The following TP63 variants were observed in gnomAD, a reference collection of about 807,000 sequenced individuals.
The protein encoded by TP63 is tumor protein p63.
TP63 carries 17 observed loss-of-function variants against 82.8 expected under a neutral mutation model. The ratio of observed to expected loss-of-function variants is 0.21; its 90% CI spans 0.14 to 0.31. The LOEUF is 0.31. Ranked by LOEUF, TP63 falls within the 10% of genes least tolerant of loss-of-function variation. The pLI is 1.00. For synonymous variants in TP63, 330 were observed against 321.7 expected, an observed-to-expected ratio of 1.03 and a Z score of -0.28; for missense variants, 648 against 895.3, an observed-to-expected ratio of 0.72 and a Z score of 3.52.
At chr3:189,790,487 T>G (rs970506090) in intron 3 of TP63, among the ~76,000 whole-genome samples, 5 of 152,030 alleles carry the variant, frequency 3.3e-5, no homozygotes, top group Admixed American at 6.6e-5. Flanking sequence ...TAAATGTGTA[T>G]TATAGCATAC....
At chr3:189,891,803 G>A (rs939306093) in intron 13 of TP63, among the ~76,000 whole-genome samples, 16 of 152,128 alleles carry the variant, frequency 1.1e-4, no homozygotes, top group African/African-American at 2.2e-4. Context: ...TCTCTTTGGG[G>A]TTCACTAGCC....
rs7624324 is a variant in TP63 at position 189,869,087 on chromosome 3, T to C, written c.1130-237T>C. 0.69 allele frequency among the ~76,000 whole-genome samples: 104,170 copies of C among 152,024 alleles called. 36,141 individuals carry two copies. The highest frequency in any genetic ancestry group is 0.82 in the Middle Eastern group (241 of 294). ...TGAATTTCTTTTATGTATTCTTCCC[T>C]ACCATCCTTCCACCTCCTTATTGCT... On this transcript the variant is annotated intron_variant, in intron 8 of 13. Coordinates refer to ENST00000264731, the MANE Select transcript of TP63 (RefSeq NM_003722.5).
rs181556206 is a variant in TP63, at chr3:189,706,557, A to G, written c.63-31183A>G. On this transcript the variant is annotated intron_variant, in intron 1 of 13. Coordinates refer to ENST00000264731, the MANE Select transcript of TP63 (RefSeq NM_003722.5). ...GTGTGAGCCACCGTGCCCGGCCGTG[A>G]ATTTACTTCTTAATTCTGTTTTTTC... 1.7e-3 allele frequency among the ~76,000 whole-genome samples: 255 copies of G among 152,176 alleles called. 1 individual carries two copies. The highest frequency in any genetic ancestry group is 2.9e-3 in the Non-Finnish European group (197 of 67,982).
chr3:189,612,383 C>A, the TP63 span, among the ~76,000 whole-genome samples: 1 of 152,190 alleles, frequency 6.6e-6, no homozygotes, highest in Middle Eastern at 3.4e-3. Context: ...TTCCACTTTT[C>A]TTCTTTCTCA....
chr3:189,732,620 A>G (rs987184328), intron 1 of TP63, among the ~76,000 whole-genome samples: 1 of 152,184 alleles, frequency 6.6e-6, no homozygotes, highest in Non-Finnish European at 1.5e-5. Flanking sequence ...AAGCCTCTCA[A>G]CCACCTTCTG....
At chr3:189,881,116 C>T in intron 10 of TP63, 2 of 985,390 alleles carry the variant, frequency 2.0e-6, no homozygotes, top group Non-Finnish European at 2.4e-6. Flanking sequence ...TTCTATCCCT[C>T]AAGCCTACCT....
chr3:189,801,768 A>G lies in TP63; in HGVS notation c.325-6504A>G, dbSNP rs78582256. On this transcript the variant is annotated intron_variant, in intron 3 of 13. Coordinates refer to ENST00000264731, the MANE Select transcript of TP63 (RefSeq NM_003722.5). The stretch of plus-strand genomic sequence containing the variant: ...AAGGAATCTTGACACTTTGTGTCAG[A>G]ACACAGGACATCTAGTGAACTCTCT... Among the ~76,000 whole-genome samples, 978 of 152,310 alleles carry G rather than the reference A, an allele frequency of 6.4e-3. 8 individuals carry two copies. Among genetic ancestry groups the G allele is most frequent in the African/African-American group, 0.023 (937 of 41,576 alleles).
intron 1 of TP63, among the ~76,000 whole-genome samples, chr3:189,732,266 C>G (rs1024633857): frequency 6.6e-6 from 1 of 152,152 alleles, no homozygotes; most frequent in African/African-American, 2.4e-5. Flanking sequence ...CTCCCCTCCA[C>G]CACCCCTGTC....
intron 9 of TP63, among the ~76,000 whole-genome samples, chr3:189,872,597 C>T (rs1251393896): frequency 2.6e-5 from 4 of 152,050 alleles, no homozygotes; most frequent in South Asian, 2.1e-4. Context: ...CGTGGGTTTA[C>T]GGTATAAGAG....
chr3:189,672,114 CAT>C (rs1714941679), intron 1 of TP63, among the ~76,000 whole-genome samples: 1 of 151,986 alleles, frequency 6.6e-6, no homozygotes, highest in African/African-American at 2.4e-5. Context: ...CTTATTTGAT[CAT>C]TACACATTGT....
chr3:189,692,391 G>C (rs537223478), intron 1 of TP63, among the ~76,000 whole-genome samples: 2 of 142,394 alleles, frequency 1.4e-5, no homozygotes, highest in South Asian at 2.2e-4. Flanking sequence ...TTTCCATCTC[G>C]TCTTCTTTCC....
intron 1 of TP63, among the ~76,000 whole-genome samples, chr3:189,647,001 C>T (rs1560082156): frequency 6.8e-6 from 1 of 147,106 alleles, no homozygotes; most frequent in Non-Finnish European, 1.5e-5. Context: ...GAAATGAAAT[C>T]GTCAGGCTGG....
chr3:189,607,224 A>G, the TP63 span, among the ~76,000 whole-genome samples: 21 of 152,352 alleles, frequency 1.4e-4, no homozygotes, highest in East Asian at 4.0e-3. Flanking sequence ...GATATCCTCA[A>G]TTAGATCCTA....
intron 3 of TP63, among the ~76,000 whole-genome samples, chr3:189,786,271 G>T (rs553574109): frequency 1.3e-5 from 2 of 151,954 alleles, no homozygotes; most frequent in East Asian, 3.9e-4. Flanking sequence ...TCCTAATATT[G>T]TAATATGGTT....
At chr3:189,783,565 A>T (rs931659683) in intron 3 of TP63, among the ~76,000 whole-genome samples, 1 of 151,916 alleles carries the variant, frequency 6.6e-6, no homozygotes, top group African/African-American at 2.4e-5. Context: ...TATAATACTA[A>T]AAAGGAAAGC....
chr3:189,739,016 A>G, intron 3 of TP63: 1 of 561,066 alleles, frequency 1.8e-6, no homozygotes, highest in South Asian at 2.0e-5. Flanking sequence ...TACATCTTTT[A>G]TCTTGATTGT....
Position 189,690,336 on chromosome 3 carries a change from C to G in TP63, c.63-47404C>G, listed in dbSNP as rs141819465. On this transcript the variant is annotated intron_variant, in intron 1 of 13. Transcript: ENST00000264731. Reference sequence around the variant, plus strand: ...CCAGGCTCTTTAGGAATCCAGGATCCTGGCCCTGATAGTAACTTGGTGTTT... The same window carrying G: ...CCAGGCTCTTTAGGAATCCAGGATCGTGGCCCTGATAGTAACTTGGTGTTT... Among the ~76,000 whole-genome samples, 777 of 152,262 alleles carry G rather than the reference C, an allele frequency of 5.1e-3. 7 individuals are homozygous for G. Among genetic ancestry groups the G allele is most frequent in the African/African-American group, 0.018 (751 of 41,556 alleles).
chr3:189,850,591 C>T (rs115201712), intron 4 of TP63, among the ~76,000 whole-genome samples: 2,168 of 152,080 alleles, frequency 0.014, 21 homozygotes, highest in South Asian at 0.03. Flanking sequence ...TTTAAGGACA[C>T]GGGGAGGGAT....
intron 10 of TP63, among the ~76,000 whole-genome samples, chr3:189,879,627 C>A (rs914707936): frequency 6.6e-6 from 1 of 152,050 alleles, no homozygotes; most frequent in African/African-American, 2.4e-5. Flanking sequence ...CAAGTTTCTT[C>A]TTCTTCATTC....
Sources: gnomAD v4.1 joint callset for allele counts (sites outside exome capture counted in the v4.1 genomes callset) on GRCh38, gnomAD v4.1.1 for gene constraint, MANE v1.5 for transcripts, NCBI Gene and HGNC (gene_info 2026-07-23, HGNC 2026-07-21) for gene names.